The following SPATA6L variants were observed in gnomAD, a reference collection of about 807,000 sequenced individuals.
SPATA6L encodes the protein spermatogenesis associated 6 like, also known as spermatogenesis associated 6-like protein.
Under a neutral mutation model 49.2 loss-of-function variants are expected in SPATA6L, and 68 were observed. That is an observed-to-expected ratio of 1.38 (90% CI 1.14 to 1.69). The LOEUF is 1.69. Ranked by LOEUF, SPATA6L falls within the 40% of genes most tolerant of loss-of-function variation. The pLI is 0.00. For synonymous variants in SPATA6L, 198 were observed against 165.7 expected (o/e 1.19, Z -1.50); for missense variants, 668 against 464.3 (o/e 1.44, Z -4.03).
At chr9:4,601,704 C>A (rs536364069) in intron 11 of SPATA6L, among the ~76,000 whole-genome samples, 1 of 152,170 alleles carries the variant, frequency 6.6e-6, no homozygotes, top group East Asian at 1.9e-4. Flanking sequence ...ATTGGTGCTG[C>A]CATTAGAAGA....
chr9:4,590,496 G>A (rs990594361), intron 13 of SPATA6L, among the ~76,000 whole-genome samples: 1 of 152,120 alleles, frequency 6.6e-6, no homozygotes, highest in Non-Finnish European at 1.5e-5. Flanking sequence ...TCTCCGCTTG[G>A]CCTGCCACTT....
chr9:4,632,177 G>A (rs976683536), intron 4 of SPATA6L, among the ~76,000 whole-genome samples: 2 of 150,950 alleles, frequency 1.3e-5, no homozygotes, highest in African/African-American at 4.9e-5. Flanking sequence ...GCACCACCAT[G>A]CTCAACTAAT....
chr9:4,664,030 A>C (rs1840468057), intron 1 of SPATA6L: 1 of 167,134 alleles, frequency 6.0e-6, no homozygotes, highest in African/African-American at 2.4e-5. Context: ...AATCACTTAA[A>C]AGGTAGGCAT....
intron 3 of SPATA6L, among the ~76,000 whole-genome samples, chr9:4,653,404 A>G (rs772512603): frequency 1.3e-5 from 2 of 152,242 alleles, no homozygotes; most frequent in Non-Finnish European, 2.9e-5. Context: ...TAAAACCATT[A>G]GAAGAAAACA....
At chr9:4,643,878 G>A (rs755941954) in intron 3 of SPATA6L, among the ~76,000 whole-genome samples, 9 of 151,998 alleles carry the variant, frequency 5.9e-5, no homozygotes, top group Non-Finnish European at 1.0e-4. Context: ...GCATTGGCAG[G>A]TGCCCATAAT....
chr9:4,621,218 A>G (rs1829217623), intron 7 of SPATA6L, among the ~76,000 whole-genome samples: 1 of 152,118 alleles, frequency 6.6e-6, no homozygotes, highest in South Asian at 2.1e-4. Flanking sequence ...CACCGACATG[A>G]CCTTCACTAC....
At position 4,599,278 on chromosome 9, in the gene SPATA6L, T is replaced by C. The variant is rs145011336; in HGVS notation, c.*1533A>G. 5.6e-4 allele frequency among the ~76,000 whole-genome samples: 85 copies of C among 152,352 alleles called. No homozygotes were observed. The highest frequency in any genetic ancestry group is 2.4e-3 in the Admixed American group (37 of 15,306). On this transcript the variant is annotated 3_prime_UTR_variant, in exon 12 of 12. Coordinates refer to ENST00000682582, the MANE Select transcript of SPATA6L (RefSeq NM_001353486.2). ...GCATTTCAGATTTCAGATTTTTAGA[T>C]TGGGAGGTTCAACTTGGATATACCT...
chr9:4,640,954 A>G (rs748816967), intron 3 of SPATA6L, among the ~76,000 whole-genome samples: 4 of 152,208 alleles, frequency 2.6e-5, no homozygotes, highest in African/African-American at 4.8e-5. Context: ...TATTCTTGCA[A>G]CCTTTTCACA....
At chr9:4,626,603 C>T in intron 5 of SPATA6L, 9 of 1,243,628 alleles carry the variant, frequency 7.2e-6, no homozygotes, top group Non-Finnish European at 9.5e-6. Context: ...TTTCAGTGTT[C>T]CCCTTTTATC....
intron 5 of SPATA6L, 69 bp downstream of exon 5, chr9:4,629,022 G>T: frequency 1.8e-6 from 2 of 1,132,962 alleles, no homozygotes; most frequent in Non-Finnish European, 2.6e-6. Flanking sequence ...CTGAGTTTGG[G>T]CAAAAATTCT....
intron 2 of SPATA6L, among the ~76,000 whole-genome samples, chr9:4,660,766 G>C (rs944331952): frequency 6.6e-6 from 1 of 152,194 alleles, no homozygotes; most frequent in Admixed American, 6.5e-5. Context: ...CAATAGCAAA[G>C]ACTTGGAACC....
intron 6 of SPATA6L, 135 bp from the exon 7 acceptor site, chr9:4,622,645 A>T (rs548973160): frequency 3.3e-6 from 2 of 609,538 alleles, no homozygotes; most frequent in Admixed American, 3.0e-5. Flanking sequence ...AACCACCTAG[A>T]GCACAGTCTG....
At chr9:4,632,999 C>G (rs796837268) in intron 4 of SPATA6L, 2 of 152,168 alleles carry the variant, frequency 1.3e-5, no homozygotes, top group African/African-American at 4.8e-5. Flanking sequence ...GGTTAGACAT[C>G]AAAACAAAAA....
At chr9:4,626,678 C>T (rs1395849420) in intron 5 of SPATA6L, 1 of 859,206 alleles carries the variant, frequency 1.2e-6, no homozygotes, top group Non-Finnish European at 1.6e-6. Flanking sequence ...GTTACAGTCA[C>T]AAGTTTGGTG....
rs1840292162 is a variant in SPATA6L, at chr9:4,663,231, C to T, written c.40-1195G>A. Reference sequence around the variant, plus strand: ...TTGCTGGCTCTCACCCCATAATGCTCCGGTCCTCTTTTTACTGTGGAGTCA... The same window carrying T: ...TTGCTGGCTCTCACCCCATAATGCTTCGGTCCTCTTTTTACTGTGGAGTCA... On this transcript the variant is annotated intron_variant, in intron 1 of 11. Coordinates refer to ENST00000682582, the MANE Select transcript of SPATA6L (RefSeq NM_001353486.2). 1 of 1,613,922 alleles carries T rather than the reference C, an allele frequency of 6.2e-7. No individual in the cohort carries two copies. Among genetic ancestry groups the T allele is most frequent in the Admixed American group, 1.7e-5 (1 of 59,998 alleles).
intron 1 of SPATA6L, chr9:4,663,279 T>C (rs756880472): frequency 6.9e-6 from 11 of 1,604,992 alleles, no homozygotes; most frequent in Non-Finnish European, 9.4e-6. Flanking sequence ...TCTCATTGAT[T>C]ATGGCACCAG....
chr9:4,649,181 C>A (rs1836231406), intron 3 of SPATA6L, among the ~76,000 whole-genome samples: 1 of 152,126 alleles, frequency 6.6e-6, no homozygotes, highest in Non-Finnish European at 1.5e-5. Flanking sequence ...GCTGCATAAA[C>A]ATGCGTGTGT....
intron 3 of SPATA6L, among the ~76,000 whole-genome samples, chr9:4,645,133 T>C (rs1452885065): frequency 1.3e-5 from 2 of 152,226 alleles, no homozygotes; most frequent in African/African-American, 4.8e-5. Context: ...AAAAATTATT[T>C]CCAACCATTT....
intron 7 of SPATA6L, among the ~76,000 whole-genome samples, chr9:4,619,155 CT>C (rs57028759): frequency 6.7e-4 from 79 of 118,160 alleles, no homozygotes; most frequent in East Asian, 1.6e-3. Context: ...CAGGTTTTCT[CT>C]TTTTTTTTTT....
Sources: allele counts gnomAD v4.1 joint callset (sites outside exome capture counted in the v4.1 genomes callset), GRCh38; gene constraint gnomAD v4.1.1; transcripts MANE v1.5; gene names NCBI Gene and HGNC (gene_info 2026-07-23, HGNC 2026-07-21).